PCDHA12: variants seen among roughly 807,000 people sequenced by gnomAD.
The protein encoded by PCDHA12 is protocadherin alpha-12.
In PCDHA12, 44 loss-of-function variants were observed where a neutral mutation model predicts 60.0. The observed-to-expected ratio is 0.73, with a 90% CI of 0.58 to 0.94. PCDHA12 has a LOEUF of 0.94. Ranked by LOEUF, PCDHA12 falls within the 40% of genes least tolerant of loss-of-function variation. PCDHA12 has a pLI of 0.00. For synonymous variants in PCDHA12, 569 were observed against 553.0 expected (o/e 1.03, Z -0.40); for missense variants, 1,276 against 1,239.7 (o/e 1.03, Z -0.44).
At chr5:140,888,544 C>T (rs1295573540) in intron 1 of PCDHA12, among the ~76,000 whole-genome samples, 1 of 152,140 alleles carries the variant, frequency 6.6e-6, no homozygotes, top group Non-Finnish European at 1.5e-5. Flanking sequence ...TGCTCAGTAC[C>T]AATTTATTCC....
intron 1 of PCDHA12, among the ~76,000 whole-genome samples, chr5:140,975,450 G>T (rs1175028711): frequency 6.6e-6 from 1 of 152,174 alleles, no homozygotes. Context: ...AGGGATCTTG[G>T]GGCCATCTTG....
chr5:140,983,218 C>T (rs757778991), intron 3 of PCDHA12, among the ~76,000 whole-genome samples: 10 of 152,128 alleles, frequency 6.6e-5, no homozygotes, highest in Non-Finnish European at 1.5e-4. Flanking sequence ...ATTTCCTAAT[C>T]CAAACTTTCA....
chr5:140,988,871 A>T (rs1319139244), intron 3 of PCDHA12: 1 of 152,208 alleles, frequency 6.6e-6, no homozygotes, highest in Non-Finnish European at 1.5e-5. Context: ...GTGCACTCAG[A>T]TGTACGATCC....
At chr5:140,967,758 A>G (rs781815948) in intron 1 of PCDHA12, 8 of 1,614,162 alleles carry the variant, frequency 5.0e-6, no homozygotes, top group Non-Finnish European at 5.9e-6. Context: ...GCCTCCTCCT[A>G]CCAGATCTAT....
At position 140,983,206 on chromosome 5, in the gene PCDHA12, C is replaced by G. The variant is rs184479967; in HGVS notation, c.2515+643C>G. 1.8e-3 allele frequency among the ~76,000 whole-genome samples: 271 copies of G among 152,316 alleles called. 2 individuals are homozygous for G. Among genetic ancestry groups the G allele is most frequent in the South Asian group, 2.5e-3 (12 of 4,822 alleles). On this transcript the variant is annotated intron_variant, in intron 3 of 3. Transcript: ENST00000398631. ...TCTTAGTTTAGAGGGATAATAGGGA[C>G]TATTTCCTAATCCAAACTTTCAGGA...
intron 3 of PCDHA12, among the ~76,000 whole-genome samples, chr5:141,004,084 T>C (rs2098151963): frequency 6.6e-6 from 1 of 152,234 alleles, no homozygotes; most frequent in Non-Finnish European, 1.5e-5. Context: ...GGTAGAAATG[T>C]GCTTCTTCCG....
At chr5:140,923,826 T>A (rs2081533545) in intron 1 of PCDHA12, among the ~76,000 whole-genome samples, 1 of 152,218 alleles carries the variant, frequency 6.6e-6, no homozygotes, top group East Asian at 1.9e-4. Context: ...TAGACGTCAG[T>A]GGCAGTTTAA....
chr5:140,875,443 G>A lies in PCDHA12; in HGVS notation c.-30G>A. 6.3e-7 allele frequency: 1 copy of A among 1,580,070 alleles called. No individual in the cohort carries two copies. ...GGCAAGCGATCCCTTAAAACTGATTGTCCCAACTCAGAGGCCCTCATTTTC... is the reference window on the plus strand; with the variant it reads ...GGCAAGCGATCCCTTAAAACTGATTATCCCAACTCAGAGGCCCTCATTTTC... On this transcript the variant is annotated 5_prime_UTR_variant, in exon 1 of 4. Coordinates refer to ENST00000398631, the MANE Select transcript of PCDHA12 (RefSeq NM_018903.4).
chr5:141,002,189 C>T (rs1277871243), intron 3 of PCDHA12, among the ~76,000 whole-genome samples: 4 of 152,220 alleles, frequency 2.6e-5, no homozygotes, highest in African/African-American at 9.6e-5. Flanking sequence ...TGCTGTCTGG[C>T]AAGATAGTCC....
chr5:140,881,376 C>T (rs1487314933), intron 1 of PCDHA12: 2 of 984,636 alleles, frequency 2.0e-6, no homozygotes, highest in South Asian at 4.7e-5. Context: ...GAATTGCAGC[C>T]GGCGGCGGTA....
At chr5:140,982,226 A>G in intron 2 of PCDHA12, 1 of 603,292 alleles carries the variant, frequency 1.7e-6, no homozygotes, top group Non-Finnish European at 2.5e-6. Context: ...GCGTTAATAA[A>G]AAACAGAATT....
intron 3 of PCDHA12, among the ~76,000 whole-genome samples, chr5:141,004,902 G>A (rs1554259808): frequency 1.3e-5 from 2 of 152,084 alleles, no homozygotes; most frequent in African/African-American, 4.8e-5. Flanking sequence ...GCTCTGCCAG[G>A]GTGTAAGGAA....
At chr5:140,905,407 A>G (rs2071810139) in intron 1 of PCDHA12, among the ~76,000 whole-genome samples, 1 of 152,158 alleles carries the variant, frequency 6.6e-6, no homozygotes, top group Non-Finnish European at 1.5e-5. Context: ...CTATTTTTAT[A>G]CCAGTACCAT....
At chr5:140,980,347 C>G (rs1329268780) in intron 2 of PCDHA12, among the ~76,000 whole-genome samples, 2 of 152,132 alleles carry the variant, frequency 1.3e-5, no homozygotes, top group African/African-American at 4.8e-5. Context: ...ACATAACTTC[C>G]TGGACTGGGC....
Position 140,979,960 on chromosome 5 carries a change from C to T in PCDHA12, c.2426+953C>T, listed in dbSNP as rs2096871601. 2.0e-5 allele frequency among the ~76,000 whole-genome samples: 3 copies of T among 152,266 alleles called. No homozygotes were observed. The South Asian group carries it at 6.2e-4, about 32-fold the overall frequency. ...AGAGTTAATGTGAAATTAGTTTTAG[C>T]CCATTAAAATGCATTAGATTGAAAT... On this transcript the variant is annotated intron_variant, in intron 2 of 3. Coordinates refer to ENST00000398631, the MANE Select transcript of PCDHA12 (RefSeq NM_018903.4).
intron 1 of PCDHA12, among the ~76,000 whole-genome samples, chr5:140,880,167 G>A (rs1363011800): frequency 2.0e-5 from 3 of 152,160 alleles, no homozygotes; most frequent in African/African-American, 7.2e-5. Context: ...TATGTTAGAA[G>A]TTAAACATGA....
intron 1 of PCDHA12, among the ~76,000 whole-genome samples, chr5:140,965,255 G>C (rs1426270395): frequency 1.3e-5 from 2 of 152,196 alleles, no homozygotes; most frequent in Non-Finnish European, 2.9e-5. Context: ...ATTCAGAACT[G>C]AGCAGCAGAG....
At chr5:140,976,232 G>C (rs2096707189) in intron 1 of PCDHA12, among the ~76,000 whole-genome samples, 1 of 152,098 alleles carries the variant, frequency 6.6e-6, no homozygotes, top group Non-Finnish European at 1.5e-5. Flanking sequence ...AAAAATATAT[G>C]TCATTTCATG....
intron 1 of PCDHA12, among the ~76,000 whole-genome samples, chr5:140,941,615 C>T (rs2093129027): frequency 6.6e-6 from 1 of 151,970 alleles, no homozygotes; most frequent in African/African-American, 2.4e-5. Context: ...GTGCCCAGCC[C>T]ATCCTGCTTC....
Sources: gnomAD v4.1 joint callset for allele counts (sites outside exome capture counted in the v4.1 genomes callset) on GRCh38, gnomAD v4.1.1 for gene constraint, MANE v1.5 for transcripts, NCBI Gene and HGNC (gene_info 2026-07-23, HGNC 2026-07-21) for gene names.